The following CDYL2 variants were observed in gnomAD, a reference collection of about 807,000 sequenced individuals.
CDYL2 encodes the protein chromodomain Y-like protein 2.
Under a neutral mutation model 49.4 loss-of-function variants are expected in CDYL2, and 23 were observed. That is an observed-to-expected ratio of 0.47 (90% CI 0.34 to 0.66). The LOEUF (loss-of-function observed/expected upper bound fraction) is 0.66, where lower values mean the gene tolerates loss of function less well. CDYL2 is among the 30% of genes least tolerant of loss of function. CDYL2 has a pLI of 0.01. For missense variants in CDYL2, 678 were observed against 656.4 expected (o/e 1.03, Z -0.36); for synonymous variants, 360 against 268.8 (o/e 1.34, Z -3.32).
rs548543506 is a variant in CDYL2 at position 80,674,419 on chromosome 16, T to C, written c.616+10119A>G. Reference sequence around the variant, plus strand: ...TTTCATCCTACTTGCTAGCTTCTTTTTCTTCTCCTTTTTTTTAAAACAAAA... The same window carrying C: ...TTTCATCCTACTTGCTAGCTTCTTTCTCTTCTCCTTTTTTTTAAAACAAAA... On this transcript the variant is annotated intron_variant, in intron 2 of 6. Coordinates refer to ENST00000570137, the MANE Select transcript of CDYL2 (RefSeq NM_152342.4). 2.4e-5 allele frequency among the ~76,000 whole-genome samples: 3 copies of C among 123,884 alleles called. No homozygotes were observed. In the South Asian group the frequency reaches 8.3e-4, roughly 34 times the overall value. 81.3% of individuals were successfully genotyped at this position (123,884 alleles called of 152,430 possible).
chr16:80,750,280 AC>A (rs1323559867), intron 1 of CDYL2, among the ~76,000 whole-genome samples: 2 of 152,026 alleles, frequency 1.3e-5, no homozygotes, highest in Non-Finnish European at 2.9e-5. Flanking sequence ...AGCACAAAGT[AC>A]AAAAAGCAAA....
intron 2 of CDYL2, among the ~76,000 whole-genome samples, chr16:80,635,427 A>C (rs1363393638): frequency 3.9e-5 from 6 of 152,312 alleles, no homozygotes; most frequent in South Asian, 2.1e-4. Context: ...ACAATAACAG[A>C]CAGCCAGCCA....
chr16:80,800,931 A>C (rs1231792876), intron 1 of CDYL2, among the ~76,000 whole-genome samples: 2 of 152,216 alleles, frequency 1.3e-5, no homozygotes, highest in African/African-American at 4.8e-5. Flanking sequence ...AGCCCAGTGA[A>C]TGATTTAAGA....
intron 1 of CDYL2, among the ~76,000 whole-genome samples, chr16:80,770,182 C>G (rs180896612): frequency 1.6e-3 from 238 of 152,090 alleles, no homozygotes; most frequent in African/African-American, 5.6e-3. Context: ...TATATTAAGC[C>G]ATGCAACATG....
At position 80,658,008 on chromosome 16, in the gene CDYL2, C is replaced by T. The variant is rs143978009; in HGVS notation, c.617-24772G>A. ...CTCTATGAATATGGAGTGGTTTACA[C>T]AGTATACATTCCAATAAAGAGAAGA... is the stretch of plus-strand genomic sequence containing the variant. On this transcript the variant is annotated intron_variant, in intron 2 of 6. Coordinates refer to ENST00000570137, the MANE Select transcript of CDYL2 (RefSeq NM_152342.4). Among the ~76,000 whole-genome samples, 694 of 149,680 alleles carry T rather than the reference C, an allele frequency of 4.6e-3. 6 individuals are homozygous for T. Among genetic ancestry groups the T allele is most frequent in the African/African-American group, 0.016 (651 of 40,566 alleles).
intron 1 of CDYL2, among the ~76,000 whole-genome samples, chr16:80,764,472 AG>A (rs1906644273): frequency 6.6e-6 from 1 of 152,158 alleles, no homozygotes; most frequent in South Asian, 2.1e-4. Flanking sequence ...ATGGGAGGAC[AG>A]GAAAAAAAAG....
At chr16:80,804,054 G>GCCCGGCCCCGGC (rs958256396) in intron 1 of CDYL2, 96 bp downstream of exon 1, 1 of 877,740 alleles carries the variant, frequency 1.1e-6, no homozygotes, top group Non-Finnish European at 1.4e-6. Flanking sequence ...TCCGGATTGC[G>GCCCGGCCCCGGC]CCCGGCCCCG....
intron 2 of CDYL2, among the ~76,000 whole-genome samples, chr16:80,661,716 A>C (rs969388138): frequency 6.6e-6 from 1 of 152,110 alleles, no homozygotes; most frequent in Non-Finnish European, 1.5e-5. Context: ...TGAACAAAGG[A>C]GGAAAGAAAA....
intron 2 of CDYL2, among the ~76,000 whole-genome samples, chr16:80,649,139 G>C (rs1300407172): frequency 1.3e-5 from 2 of 152,158 alleles, no homozygotes; most frequent in African/African-American, 2.4e-5. Context: ...GTTCTAGCTA[G>C]AGTAATTAGA....
rs375374930 is a variant in CDYL2 at position 80,742,673 on chromosome 16, G to C, written c.25-57544C>G. 7.9e-5 allele frequency among the ~76,000 whole-genome samples: 12 copies of C among 151,494 alleles called. No individual in the cohort carries two copies. In the East Asian group the frequency reaches 1.4e-3, roughly 17 times the overall value. ...GATAGATAGGTGGATGGGTAGAAAG[G>C]GTGGATGAATGGGTAGGTGAGTGCA... is the stretch of plus-strand genomic sequence containing the variant. On this transcript the variant is annotated intron_variant, in intron 1 of 6. Coordinates refer to ENST00000570137, the MANE Select transcript of CDYL2 (RefSeq NM_152342.4).
intron 2 of CDYL2, among the ~76,000 whole-genome samples, chr16:80,666,508 AAG>A (rs1909270246): frequency 6.6e-6 from 1 of 152,160 alleles, no homozygotes; most frequent in Admixed American, 6.5e-5. Flanking sequence ...GCGCTTTATT[AAG>A]AGTCTACTGT....
chr16:80,800,506 TAG>T (rs1193478509), intron 1 of CDYL2, among the ~76,000 whole-genome samples: 2 of 152,122 alleles, frequency 1.3e-5, no homozygotes, highest in Non-Finnish European at 2.9e-5. Flanking sequence ...CAGGTGCAGA[TAG>T]AGTCAGCCCT....
intron 5 of CDYL2, 117 bp from the exon 6 acceptor site, chr16:80,608,352 G>T: frequency 1.8e-6 from 2 of 1,140,182 alleles, no homozygotes; most frequent in Non-Finnish European, 1.2e-6. Context: ...TTGCCTTCCA[G>T]ATCCTTATCT....
chr16:80,678,323 C>T (rs1909838746), intron 2 of CDYL2, among the ~76,000 whole-genome samples: 1 of 152,054 alleles, frequency 6.6e-6, no homozygotes, highest in South Asian at 2.1e-4. Context: ...AGTGAACAGG[C>T]AACCCACAAA....
Position 80,685,038 on chromosome 16 carries a change from C to T in CDYL2, c.116G>A (p.Trp39Ter). Reference sequence around the variant, plus strand: ...GTGCAAGAGGTGGTGCTCCGGCTCCCACGTGTCCTCGGTGCTCCCGTAGCC... The same window carrying T: ...GTGCAAGAGGTGGTGCTCCGGCTCCTACGTGTCCTCGGTGCTCCCGTAGCC... Reference protein sequence around the residue: ...WKGYGSTEDTWEPEHHLLHCE... With the variant: ...WKGYGSTEDT The change falls in exon 2 of 7, where the codon TGG (tryptophan) becomes TAG (stop). Residue 39 changes from tryptophan (W) to a stop codon, truncating the protein, a stop_gained. Coordinates refer to ENST00000570137, the MANE Select transcript of CDYL2 (RefSeq NM_152342.4). LOFTEE classifies it high-confidence loss of function. The T allele has an allele frequency of 6.2e-7, 1 of 1,614,180 alleles. No individual in the cohort carries two copies. Among genetic ancestry groups the T allele is most frequent in the Non-Finnish European group, 8.5e-7 (1 of 1,180,036 alleles).
At chr16:80,660,771 G>A (rs1291806270) in intron 2 of CDYL2, among the ~76,000 whole-genome samples, 5 of 152,106 alleles carry the variant, frequency 3.3e-5, no homozygotes, top group Non-Finnish European at 7.4e-5. Flanking sequence ...CAGCAAAGAG[G>A]GGAAGAAAAA....
intron 2 of CDYL2, among the ~76,000 whole-genome samples, chr16:80,674,536 G>A (rs541998653): frequency 7.9e-5 from 12 of 152,228 alleles, no homozygotes; most frequent in Middle Eastern, 3.4e-3. Context: ...GCAGAGTTGT[G>A]CAACTGTCCC....
chr16:80,604,314 G>C lies in CDYL2; in HGVS notation c.*74C>G, dbSNP rs951516558. ...AGACACCTTGACAAACTCCTTGGCC[G>C]GGGCAGACACTGTGCTCTGGTTTCC... On this transcript the variant is annotated 3_prime_UTR_variant, in exon 7 of 7. Transcript: ENST00000570137. The C allele has an allele frequency of 9.8e-6, 15 of 1,532,018 alleles. 1 individual carries two copies. The Admixed American group carries it at 2.4e-4, about 25-fold the overall frequency. The allele number at this position is 1,532,018 out of a possible 1,614,324, so 94.9% of individuals were successfully genotyped here.
At chr16:80,658,473 C>T (rs940816287) in intron 2 of CDYL2, among the ~76,000 whole-genome samples, 2 of 151,928 alleles carry the variant, frequency 1.3e-5, no homozygotes, top group African/African-American at 4.8e-5. Context: ...TTGCTTTTCA[C>T]TGTGGTAAGA....
Sources: gnomAD v4.1 joint callset for allele counts (sites outside exome capture counted in the v4.1 genomes callset) on GRCh38, gnomAD v4.1.1 for gene constraint, MANE v1.5 for transcripts, NCBI Gene and HGNC (gene_info 2026-07-23, HGNC 2026-07-21) for gene names.